CD109: variants seen among roughly 807,000 people sequenced by gnomAD.
CD109 encodes the protein CD109 antigen.
CD109 carries 149 observed loss-of-function variants against 165.8 expected under a neutral mutation model. The observed-to-expected ratio is 0.90, with a 90% CI of 0.79 to 1.03. CD109 has a LOEUF of 1.03. Ranked by LOEUF, CD109 falls within the 50% of genes least tolerant of loss-of-function variation. The pLI is 0.00. For synonymous variants in CD109, 585 were observed against 592.1 expected (o/e 0.99, Z 0.18); for missense variants, 1,712 against 1,677.8 (o/e 1.02, Z -0.36).
intron 7 of CD109, 53 bp from the exon 8 acceptor site, chr6:73,762,331 G>T: frequency 9.0e-7 from 1 of 1,110,484 alleles, no homozygotes; most frequent in Admixed American, 1.9e-5. Context: ...TTTTTATTGT[G>T]TTCTGACAAT....
At position 73,775,185 on chromosome 6, in the gene CD109, G is replaced by GTA. The variant is rs201965339; in HGVS notation, c.1827+3616_1827+3617dup. 1.7e-3 allele frequency among the ~76,000 whole-genome samples: 253 copies of GTA among 150,572 alleles called. 1 individual carries two copies. The highest frequency in any genetic ancestry group is 3.4e-3 in the African/African-American group (138 of 41,074). On this transcript the variant is annotated intron_variant, in intron 15 of 32. Coordinates refer to ENST00000287097, the MANE Select transcript of CD109 (RefSeq NM_133493.5). ...TTATTGTGTATATTTGAGGTTATGT[G>GTA]TATATATATATATGTATATATGTAT...
intron 3 of CD109, among the ~76,000 whole-genome samples, chr6:73,727,151 G>GAAACTTTTATAAAAATTTTAT (rs1348345017): frequency 2.8e-4 from 43 of 152,310 alleles, no homozygotes; most frequent in African/African-American, 1.0e-3. Flanking sequence ...CACAGAGAGA[G>GAAACTTTTATAAAAATTTTAT]AAACTTTTAT....
chr6:73,707,962 TTATATATATATATATATATATATA>T (rs200081535), intron 2 of CD109, among the ~76,000 whole-genome samples: 29,095 of 126,816 alleles, frequency 0.23, 3,833 homozygotes, highest in East Asian at 0.53. Context: ...ATTGTTATCT[TTATATATATATATATATATATATA>T]TATATATATA....
intron 15 of CD109, among the ~76,000 whole-genome samples, chr6:73,777,797 G>A (rs1301522541): frequency 1.3e-5 from 2 of 152,130 alleles, no homozygotes; most frequent in Non-Finnish European, 2.9e-5. Flanking sequence ...TGAGTACCAT[G>A]CTGTTTTGGT....
chr6:73,728,193 C>A (rs1772210709), intron 3 of CD109, among the ~76,000 whole-genome samples: 1 of 152,106 alleles, frequency 6.6e-6, no homozygotes, highest in African/African-American at 2.4e-5. Flanking sequence ...TGGTGGCGCA[C>A]ACCTGTAGTC....
chr6:73,764,772 C>T (rs749055263), intron 10 of CD109, among the ~76,000 whole-genome samples: 28 of 149,508 alleles, frequency 1.9e-4, no homozygotes, highest in Non-Finnish European at 2.2e-4. Flanking sequence ...GTGGAGATTG[C>T]GCCATTGCAC....
At chr6:73,793,194 CTCT>C (rs1381888925) in intron 23 of CD109, among the ~76,000 whole-genome samples, 10 of 152,158 alleles carry the variant, frequency 6.6e-5, no homozygotes, top group Non-Finnish European at 1.3e-4. Context: ...GCCAGGGCCT[CTCT>C]TCTTAAAGAA....
rs755174604 is a variant in CD109, at chr6:73,792,757, C to T, written c.2833C>T (p.Leu945=). 3.1e-6 allele frequency: 5 copies of T among 1,611,914 alleles called. No homozygotes were observed. In the South Asian group the frequency reaches 5.5e-5, roughly 18 times the overall value. ...GGATTATCTGACTAAAAAGAAACAA[C>T]TGACAGATAATTTGAAAGAAAAAGC... ...ILDYLTKKKQ[L]TDNLKEKALS... The change falls in exon 23 of 33, where the codon CTG becomes TTG. Residue 945 remains leucine, a synonymous_variant. Transcript: ENST00000287097.
chr6:73,803,216 C>T lies in CD109; in HGVS notation c.2879-4C>T. On this transcript the variant is annotated splice_polypyrimidine_tract_variant and splice_region_variant and intron_variant, in intron 23 of 32. Coordinates refer to ENST00000287097, the MANE Select transcript of CD109 (RefSeq NM_133493.5). ...TTTGACTATCTGTCTATTTTTGTGT[C>T]TAGGTTACCAGAGAGAACTTCTCTA... 1 of 1,604,436 alleles carries T rather than the reference C, an allele frequency of 6.2e-7. No homozygotes were observed. Among genetic ancestry groups the T allele is most frequent in the Non-Finnish European group, 8.5e-7 (1 of 1,172,674 alleles).
In CD109 at chr6:73,762,365, T is replaced by A; in HGVS notation, c.759-19T>A. ...ATATCAAGTTGATACATAAAAAGAC[T>A]ATGTTTATAATTATTCAGGTATACA... On this transcript the variant is annotated intron_variant, in intron 7 of 32. Transcript: ENST00000287097. 7.0e-7 allele frequency: 1 copy of A among 1,438,506 alleles called. No homozygotes were observed. Among genetic ancestry groups the A allele is most frequent in the Non-Finnish European group, 9.7e-7 (1 of 1,027,318 alleles). 89.1% of individuals were successfully genotyped at this position (1,438,506 alleles called of 1,614,324 possible). A position where few individuals can be genotyped will look rare whatever the true frequency, so the allele number is the denominator to read the frequency against.
At chr6:73,756,803 TG>T in intron 6 of CD109, 121 bp downstream of exon 6, 1 of 653,708 alleles carries the variant, frequency 1.5e-6, no homozygotes, top group Non-Finnish European at 2.4e-6. Context: ...AAAATTCTGG[TG>T]TTTTTTAAAG....
chr6:73,817,888 A>G (rs1416749606), intron 30 of CD109, among the ~76,000 whole-genome samples: 2 of 152,214 alleles, frequency 1.3e-5, no homozygotes, highest in Non-Finnish European at 2.9e-5. Flanking sequence ...GCTTCTCCCT[A>G]CTGGTCTGAT....
intron 7 of CD109, 131 bp downstream of exon 7, chr6:73,759,159 A>G (rs1773517953): frequency 1.6e-6 from 1 of 623,000 alleles, no homozygotes; most frequent in Non-Finnish European, 2.8e-6. Context: ...GTAAATGACT[A>G]TTTATAATAA....
chr6:73,758,064 G>T (rs1773465322), intron 6 of CD109, among the ~76,000 whole-genome samples: 1 of 151,914 alleles, frequency 6.6e-6, no homozygotes, highest in Non-Finnish European at 1.5e-5. Context: ...GCGGGGGCGG[G>T]GTCATAGTTG....
chr6:73,803,275 G>T lies in CD109; in HGVS notation c.2934G>T (p.Gly978=). The T allele has an allele frequency of 6.2e-7, 1 of 1,610,514 alleles. No individual in the cohort carries two copies. The highest frequency in any genetic ancestry group is 8.5e-7 in the Non-Finnish European group (1 of 1,179,034). The change falls in exon 24 of 33, where the codon GGG becomes GGT. Residue 978 remains glycine (G), a synonymous_variant. Transcript: ENST00000287097. ...AAGATGGCTCTTTCAGTGCTTTTGG[G>T]AATTATGACCCTTCTGGGAGCACTT... ...QREDGSFSAF[G]NYDPSGSTWL...
At chr6:73,754,262 T>C (rs1358959871) in intron 5 of CD109, among the ~76,000 whole-genome samples, 1 of 152,128 alleles carries the variant, frequency 6.6e-6, no homozygotes, top group Non-Finnish European at 1.5e-5. Flanking sequence ...GTTAAAACCC[T>C]GAGAGCTGAT....
At chr6:73,700,769 A>C (rs969150622) in intron 2 of CD109, among the ~76,000 whole-genome samples, 2 of 100,454 alleles carry the variant, frequency 2.0e-5, no homozygotes, top group African/African-American at 4.2e-5. Context: ...TTAATTCTAC[A>C]TTTATTGGGG....
At chr6:73,729,091 G>C (rs1582069829) in intron 3 of CD109, among the ~76,000 whole-genome samples, 1 of 152,246 alleles carries the variant, frequency 6.6e-6, no homozygotes, top group East Asian at 1.9e-4. Context: ...GGGAGGCCCT[G>C]GTTCCTCCCA....
At chr6:73,731,366 T>A (rs558403669) in intron 4 of CD109, among the ~76,000 whole-genome samples, 1 of 152,320 alleles carries the variant, frequency 6.6e-6, no homozygotes, top group East Asian at 1.9e-4. Flanking sequence ...CTGGGAAGAC[T>A]GATTTGAGCA....
Sources: allele counts gnomAD v4.1 joint callset (sites outside exome capture counted in the v4.1 genomes callset), GRCh38; gene constraint gnomAD v4.1.1; transcripts MANE v1.5; gene names NCBI Gene and HGNC (gene_info 2026-07-23, HGNC 2026-07-21).